Variants in PDE1C observed in about 807,000 individuals in gnomAD.
PDE1C encodes the protein phosphodiesterase 1C, also known as dual specificity calcium/calmodulin-dependent 3',5'-cyclic nucleotide phosphodiesterase 1C.
Under a neutral mutation model 93.1 loss-of-function variants are expected in PDE1C, and 62 were observed. The ratio of observed to expected loss-of-function variants is 0.67; its 90% CI spans 0.54 to 0.82. The LOEUF (loss-of-function observed/expected upper bound fraction) is 0.82, where lower values mean the gene tolerates loss of function less well. Among genes scored for constraint, PDE1C ranks in the 40% least tolerant of loss-of-function variants. PDE1C has a pLI of 0.00. For missense variants in PDE1C, 742 were observed against 884.6 expected (o/e 0.84, Z 2.04); for synonymous variants, 325 against 310.1 (o/e 1.05, Z -0.50).
At chr7:31,792,291 C>T (rs1407168591) in intron 16 of PDE1C, among the ~76,000 whole-genome samples, 2 of 152,026 alleles carry the variant, frequency 1.3e-5, no homozygotes, top group Non-Finnish European at 2.9e-5. Context: ...CCTCATTTAT[C>T]GTTTATAACA....
At chr7:32,037,992 A>C (rs912405862) in intron 2 of PDE1C, among the ~76,000 whole-genome samples, 9 of 152,254 alleles carry the variant, frequency 5.9e-5, no homozygotes, top group Middle Eastern at 3.4e-3. Flanking sequence ...TTATTAATGC[A>C]AACCACATGG....
rs958971414 is a variant in PDE1C at position 32,189,367 on chromosome 7, C to T, written c.137-19411G>A. On this transcript the variant is annotated intron_variant, in intron 2 of 18. Coordinates refer to the PDE1C transcript ENST00000396193. ...TGGATACTTGAGAGGTAGAAGACAG[C>T]ATTTTTTAAAAATTTTCTATAATTT... is the stretch of plus-strand genomic sequence containing the variant. 7.9e-5 allele frequency among the ~76,000 whole-genome samples: 12 copies of T among 152,178 alleles called. No homozygotes were observed. The East Asian group carries it at 2.3e-3, about 29-fold the overall frequency.
At chr7:31,648,515 T>G in the PDE1C span, among the ~76,000 whole-genome samples, 10 of 152,226 alleles carry the variant, frequency 6.6e-5, no homozygotes, top group East Asian at 1.9e-4. Context: ...ATCTTCCACA[T>G]CCCTCCACCA....
intron 1 of PDE1C, among the ~76,000 whole-genome samples, chr7:32,219,588 T>A (rs542048890): frequency 6.6e-6 from 1 of 152,262 alleles, no homozygotes; most frequent in African/African-American, 2.4e-5. Context: ...GCCGCCTGAC[T>A]TGGATGTGAA....
At chr7:31,833,311 T>G (rs568117767) in intron 11 of PDE1C, among the ~76,000 whole-genome samples, 1 of 152,330 alleles carries the variant, frequency 6.6e-6, no homozygotes, top group African/African-American at 2.4e-5. Context: ...TTGGGTATTC[T>G]TTATCAGCAG....
the PDE1C span, among the ~76,000 whole-genome samples, chr7:31,698,356 C>T: frequency 1.3e-5 from 2 of 152,182 alleles, no homozygotes; most frequent in African/African-American, 4.8e-5. Flanking sequence ...ACCTCTTCTT[C>T]TCTTCCCACT....
chr7:31,899,363 C>A (rs2128916727), intron 2 of PDE1C, among the ~76,000 whole-genome samples: 1 of 152,162 alleles, frequency 6.6e-6, no homozygotes, highest in East Asian at 1.9e-4. Context: ...TTGTCTCGAT[C>A]TCCTGACCTC....
At chr7:31,885,823 C>T (rs1018404514) in intron 2 of PDE1C, among the ~76,000 whole-genome samples, 1 of 152,142 alleles carries the variant, frequency 6.6e-6, no homozygotes, top group Non-Finnish European at 1.5e-5. Context: ...TATTCCCCAC[C>T]CCAGTGAGGT....
intron 11 of PDE1C, among the ~76,000 whole-genome samples, chr7:31,830,367 A>AC: frequency 6.6e-6 from 1 of 152,172 alleles, no homozygotes; most frequent in South Asian, 2.1e-4. Context: ...AAAAGTCTCT[A>AC]TTTACACAAA....
chr7:32,368,818 G>A (rs565973431), intron 1 of PDE1C, among the ~76,000 whole-genome samples: 3 of 152,206 alleles, frequency 2.0e-5, no homozygotes, highest in African/African-American at 7.2e-5. Context: ...CAATGGAACA[G>A]AATATAGAAC....
At chr7:32,336,292 A>G (rs1014166970) in intron 1 of PDE1C, among the ~76,000 whole-genome samples, 19 of 152,184 alleles carry the variant, frequency 1.2e-4, no homozygotes, top group African/African-American at 4.6e-4. Context: ...AATCTTCTAT[A>G]TATTATCCAA....
At chr7:31,987,557 T>C (rs1447644543) in intron 2 of PDE1C, among the ~76,000 whole-genome samples, 2 of 152,202 alleles carry the variant, frequency 1.3e-5, no homozygotes, top group Non-Finnish European at 2.9e-5. Flanking sequence ...CAGAGCTTTG[T>C]TCTCTGAGTC....
At chr7:31,792,205 A>G (rs1329914112) in intron 16 of PDE1C, among the ~76,000 whole-genome samples, 4 of 152,100 alleles carry the variant, frequency 2.6e-5, no homozygotes, top group African/African-American at 9.7e-5. Flanking sequence ...GAAATACCCT[A>G]AGGTCCCTAT....
the PDE1C span, among the ~76,000 whole-genome samples, chr7:31,728,365 C>A: frequency 1.3e-5 from 2 of 152,156 alleles, no homozygotes; most frequent in South Asian, 4.1e-4. Flanking sequence ...TAAGGTGCAA[C>A]CAATCAGTCC....
At chr7:31,684,969 T>C in the PDE1C span, among the ~76,000 whole-genome samples, 1 of 152,232 alleles carries the variant, frequency 6.6e-6, no homozygotes, top group Non-Finnish European at 1.5e-5. Context: ...GCAGCTTTAT[T>C]TGTAATAGCC....
chr7:32,073,782 C>T (rs1009049981), upstream of PDE1C, among the ~76,000 whole-genome samples: 3 of 152,042 alleles, frequency 2.0e-5, no homozygotes, highest in Non-Finnish European at 2.9e-5. Flanking sequence ...AGCAACACCA[C>T]AAGCCACAAT....
At chr7:32,187,952 T>C (rs1386988735) in intron 2 of PDE1C, among the ~76,000 whole-genome samples, 6 of 152,230 alleles carry the variant, frequency 3.9e-5, no homozygotes, top group Non-Finnish European at 8.8e-5. Context: ...AGAATTTATT[T>C]TGATTCCTGT....
chr7:32,428,180 A>G (rs79538247), upstream of PDE1C: 27,436 of 152,324 alleles, frequency 0.18, 2,603 homozygotes, highest in East Asian at 0.28. Flanking sequence ...CTCCCCGAGG[A>G]ATCCACGGCC....
chr7:31,636,879 TC>T, the PDE1C span, among the ~76,000 whole-genome samples: 1 of 24,836 alleles, frequency 4.0e-5, no homozygotes, highest in African/African-American at 1.6e-4. Context: ...CCCTCCCCCC[TC>T]CCCCCTCCCC....
Sources: gnomAD v4.1 joint callset for allele counts (sites outside exome capture counted in the v4.1 genomes callset) on GRCh38, gnomAD v4.1.1 for gene constraint, MANE v1.5 for transcripts, NCBI Gene and HGNC (gene_info 2026-07-23, HGNC 2026-07-21) for gene names.